SMPD2: variants seen among roughly 807,000 people sequenced by gnomAD.
SMPD2 encodes the protein sphingomyelin phosphodiesterase 2.
A neutral mutation model predicts 41.7 loss-of-function variants in SMPD2; 35 were observed. That is an observed-to-expected ratio of 0.84 (90% CI 0.64 to 1.11). SMPD2 has a LOEUF of 1.11. Ranked by LOEUF, SMPD2 falls within the 50% of genes most tolerant of loss-of-function variation. The pLI is 0.00. For missense variants in SMPD2, 520 were observed against 524.8 expected (o/e 0.99, Z 0.09); for synonymous variants, 201 against 208.2 (o/e 0.97, Z 0.30).
rs756635265 is a variant in SMPD2 at position 109,443,882 on chromosome 6, G to C, written c.1249G>C (p.Gly417Arg). The C allele has an allele frequency of 6.2e-7, 1 of 1,611,472 alleles. No homozygotes were observed. The highest frequency in any genetic ancestry group is 1.1e-5 in the South Asian group (1 of 91,016). Residue 417 changes from glycine to arginine, a missense_variant, in exon 10 of 10, where the codon GGG becomes CGG. Coordinates refer to ENST00000258052, the MANE Select transcript of SMPD2 (RefSeq NM_003080.3). ...QPALLLGQQE[G>R]DRTKEQ ...AGCCCTACTCCTGGGGCAGCAGGAGGGGGACAGAACTAAAGAACAATAAAG... is the reference window on the plus strand; with the variant it reads ...AGCCCTACTCCTGGGGCAGCAGGAGCGGGACAGAACTAAAGAACAATAAAG...
In SMPD2 at chr6:109,441,166, C is replaced by CT; in HGVS notation, c.46dup (p.Cys16LeufsTer38). ...TGCGACTGCGGATCTTCAACCTCAA[C>CT]TGCTGGTGAGTGCGTCTGCGGAGTG... On this transcript the variant is annotated frameshift_variant, in exon 1 of 10. Transcript: ENST00000258052. LOFTEE classifies it high-confidence loss of function. 6.2e-7 allele frequency: 1 copy of CT among 1,614,176 alleles called. No individual in the cohort carries two copies. Among genetic ancestry groups the CT allele is most frequent in the East Asian group, 2.2e-5 (1 of 44,880 alleles).
chr6:109,441,774 GGTCCT>G, intron 3 of SMPD2, 146 bp downstream of exon 3: 1 of 923,584 alleles, frequency 1.1e-6, no homozygotes, highest in Non-Finnish European at 1.8e-6. Flanking sequence ...GAACCAAGAA[GGTCCT>G]ATGACTTCAG....
In SMPD2 at chr6:109,442,262, A is replaced by G. The variant is rs148249164; in HGVS notation, c.371A>G (p.His124Arg). 26 of 1,614,020 alleles carry G rather than the reference A, an allele frequency of 1.6e-5. No homozygotes were observed. Among genetic ancestry groups the G allele is most frequent in the African/African-American group, 1.5e-4 (11 of 74,918 alleles). The change falls in exon 5 of 10, where the codon CAT becomes CGT. Residue 124 changes from histidine (H) to arginine (R), a missense_variant. Physicochemically the swap from His to Arg is conservative, Grantham distance 29. Coordinates refer to ENST00000258052, the MANE Select transcript of SMPD2 (RefSeq NM_003080.3). ...AAGGCTGTGGGGCTGCTGGTGCTCC[A>G]TCTAAGTGGCATGGTGCTCAACGCC... ...SGKAVGLLVL[H>R]LSGMVLNAYV...
intron 5 of SMPD2, 29 bp from the exon 6 acceptor site, chr6:109,442,514 T>G (rs369361781): frequency 5.0e-6 from 8 of 1,585,980 alleles, no homozygotes; most frequent in Non-Finnish European, 5.2e-6. Context: ...CTCAGTCTTA[T>G]CTGCTGTGAT....
intron 6 of SMPD2, 45 bp from the exon 7 acceptor site, chr6:109,442,707 G>A (rs755995598): frequency 6.2e-7 from 1 of 1,613,628 alleles, no homozygotes; most frequent in Non-Finnish European, 8.5e-7. Flanking sequence ...ATGGGGAAGA[G>A]CTGGTGATGG....
rs1272299625 is a variant in SMPD2, at chr6:109,440,957, C to A, written c.-165C>A. 2 of 639,350 alleles carry A rather than the reference C, an allele frequency of 3.1e-6. No homozygotes were observed. The highest frequency in any genetic ancestry group is 5.2e-6 in the Non-Finnish European group (2 of 381,014). 39.6% of individuals were successfully genotyped at this position (639,350 alleles called of 1,614,324 possible). A position where few individuals can be genotyped will look rare whatever the true frequency, so the allele number is the denominator to read the frequency against. On this transcript the variant is annotated 5_prime_UTR_variant, in exon 1 of 10. Transcript: ENST00000258052. ...CAGCCGGCCGGTTGCCGGGGGAACG[C>A]GGGAGTCGGGCCCGACCTGAGCCAC...
Position 109,440,849 on chromosome 6 carries a change from AGC to A in SMPD2, c.-267_-266del. On this transcript the variant is annotated 5_prime_UTR_variant, in exon 1 of 10. Coordinates refer to ENST00000258052, the MANE Select transcript of SMPD2 (RefSeq NM_003080.3). ...GCGCTCTCCGGACCCCCAGGGTCCT[AGC>A]GCGCGGCCCTTACCGAGCCTGGGCG... is the stretch of plus-strand genomic sequence containing the variant. The A allele has an allele frequency of 2.0e-6, 1 of 496,534 alleles. No individual in the cohort carries two copies. The highest frequency in any genetic ancestry group is 3.5e-6 in the Non-Finnish European group (1 of 286,230). 30.8% of individuals were successfully genotyped at this position (496,534 alleles called of 1,614,324 possible). A position where few individuals can be genotyped will look rare whatever the true frequency, so the allele number is the denominator to read the frequency against.
Position 109,443,864 on chromosome 6 carries a change from C to T in SMPD2, c.1231C>T (p.Leu411Phe), listed in dbSNP as rs1408377642. The part of the protein sequence containing the change: ...DLGPEPQPAL[L>F]LGQQEGDRTK... The stretch of plus-strand genomic sequence containing the variant: ...GGGCCCAGAGCCTCAGCCAGCCCTA[C>T]TCCTGGGGCAGCAGGAGGGGGACAG... The change falls in exon 10 of 10, where the codon CTC becomes TTC. Residue 411 changes from leucine to phenylalanine, a missense_variant. Physicochemically the swap from Leu to Phe is conservative, Grantham distance 22. Coordinates refer to ENST00000258052, the MANE Select transcript of SMPD2 (RefSeq NM_003080.3). 1.2e-6 allele frequency: 2 copies of T among 1,612,884 alleles called. No homozygotes were observed. Among genetic ancestry groups the T allele is most frequent in the East Asian group, 2.2e-5 (1 of 44,890 alleles).
At position 109,443,687 on chromosome 6, in the gene SMPD2, G is replaced by A. The variant is rs1180177266; in HGVS notation, c.1054G>A (p.Glu352Lys). ...CCTGGCGGCTGGAGGAGGGGCCGGGGAAGCTGCCATACTGCTCTGGACCCC... is the reference window on the plus strand; with the variant it reads ...CCTGGCGGCTGGAGGAGGGGCCGGGAAAGCTGCCATACTGCTCTGGACCCC... Reference protein sequence around the residue: ...CVLAAGGGAGEAAILLWTPSV... With the variant: ...CVLAAGGGAGKAAILLWTPSV... The change falls in exon 10 of 10, where the codon GAA becomes AAA. Residue 352 changes from glutamate to lysine, a missense_variant. Glu to Lys is a moderately conservative substitution (Grantham distance 56, BLOSUM62 1). Coordinates refer to ENST00000258052, the MANE Select transcript of SMPD2 (RefSeq NM_003080.3). The A allele has an allele frequency of 6.2e-7, 1 of 1,614,016 alleles. No individual in the cohort carries two copies. The highest frequency in any genetic ancestry group is 8.5e-7 in the Non-Finnish European group (1 of 1,179,896).
In SMPD2 at chr6:109,442,556, A is replaced by G. The variant is rs1250833569; in HGVS notation, c.422A>G (p.Tyr141Cys). 5 of 1,613,172 alleles carry G rather than the reference A, an allele frequency of 3.1e-6. No homozygotes were observed. The highest frequency in any genetic ancestry group is 1.7e-5 in the Admixed American group (1 of 59,982). ...TATCTTGCTCAGCTCCATGCCGAAT[A>G]CAATCGACAGAAGGACATCTACCTA... Reference protein sequence around the residue: ...NAYVTHLHAEYNRQKDIYLAH... With the variant: ...NAYVTHLHAECNRQKDIYLAH... Residue 141 changes from tyrosine (Y) to cysteine (C), a missense_variant, in exon 6 of 10, where the codon TAC becomes TGC. Coordinates refer to ENST00000258052, the MANE Select transcript of SMPD2 (RefSeq NM_003080.3).
Position 109,442,791 on chromosome 6 carries a change from A to T in SMPD2, c.531A>T (p.Gly177=). Residue 177 remains glycine, a synonymous_variant, in exon 7 of 10, where the codon GGA becomes GGT. Transcript: ENST00000258052. ...SKKADVVLLC[G]DLNMHPEDLG... is the part of the protein sequence containing the mutation. ...AGGCAGACGTGGTTCTGTTGTGTGG[A>T]GACCTCAACATGCACCCAGAAGACC... 6.2e-7 allele frequency: 1 copy of T among 1,614,164 alleles called. No individual in the cohort carries two copies. Among genetic ancestry groups the T allele is most frequent in the Non-Finnish European group, 8.5e-7 (1 of 1,180,024 alleles).
Position 109,443,654 on chromosome 6 carries a change from C to T in SMPD2, c.1021C>T (p.Leu341=). The T allele has an allele frequency of 1.2e-6, 2 of 1,613,690 alleles. No homozygotes were observed. The highest frequency in any genetic ancestry group is 1.7e-6 in the Non-Finnish European group (2 of 1,179,902). The part of the protein sequence containing the change: ...IGLGLLLLAL[L]CVLAAGGGAG... ...CCTGGGGCTGCTTCTCCTGGCACTG[C>T]TGTGTGTCCTGGCGGCTGGAGGAGG... The change falls in exon 10 of 10, where the codon CTG becomes TTG. Residue 341 remains leucine (L), a synonymous_variant. Coordinates refer to ENST00000258052, the MANE Select transcript of SMPD2 (RefSeq NM_003080.3).
chr6:109,442,729 C>T, intron 6 of SMPD2, 23 bp from the exon 7 acceptor site: 1 of 1,605,480 alleles, frequency 6.2e-7, no homozygotes, highest in Non-Finnish European at 8.5e-7. Flanking sequence ...AGAACTCCCG[C>T]CTCACCAACC....
At position 109,440,919 on chromosome 6, in the gene SMPD2, G is replaced by T. The variant is rs1460349604; in HGVS notation, c.-203G>T. 6.9e-6 allele frequency: 4 copies of T among 582,170 alleles called. No individual in the cohort carries two copies. The highest frequency in any genetic ancestry group is 2.2e-5 in the South Asian group (1 of 45,800). 36.1% of individuals were successfully genotyped at this position (582,170 alleles called of 1,614,324 possible). On this transcript the variant is annotated 5_prime_UTR_variant, in exon 1 of 10. Transcript: ENST00000258052. The stretch of plus-strand genomic sequence containing the variant: ...GATCGCCTTTCCGGGTTGGCGGCCC[G>T]CCTGATTGGGAACAGCCGGCCGGTT...
Position 109,441,352 on chromosome 6 carries a change from C to G in SMPD2, c.51-5C>G, listed in dbSNP as rs1161028451. The G allele has an allele frequency of 6.2e-7, 1 of 1,613,506 alleles. No homozygotes were observed. The highest frequency in any genetic ancestry group is 1.7e-4 in the Middle Eastern group (1 of 6,058). The stretch of plus-strand genomic sequence containing the variant: ...CCTCCCCTGCCCCGCTCTTCCCTTC[C>G]TTAGGGGCATTCCGTACTTGAGCAA... On this transcript the variant is annotated splice_region_variant and splice_polypyrimidine_tract_variant and intron_variant, in intron 1 of 9. Transcript: ENST00000258052.
At position 109,441,618 on chromosome 6, in the gene SMPD2, C is replaced by G. The variant is rs768368587; in HGVS notation, c.214C>G (p.His72Asp). ...KLSPTYPAAH[H>D]FRSGIIGSGL... is the part of the protein sequence containing the mutation. ...GTCACCTACCTACCCAGCTGCACAC[C>G]ACTTCCGGAGGTGAGAAGCCCACTG... is the stretch of plus-strand genomic sequence containing the variant. The change falls in exon 3 of 10, where the codon CAC (histidine) becomes GAC (aspartate). Residue 72 changes from histidine (H) to aspartate (D), a missense_variant. Transcript: ENST00000258052. The G allele has an allele frequency of 6.2e-7, 1 of 1,614,150 alleles. No individual in the cohort carries two copies. Among genetic ancestry groups the G allele is most frequent in the Non-Finnish European group, 8.5e-7 (1 of 1,179,968 alleles).
intron 3 of SMPD2, 47 bp from the exon 4 acceptor site, chr6:109,441,927 G>T: frequency 6.6e-7 from 1 of 1,523,532 alleles, no homozygotes. Flanking sequence ...AGAAGGCTGG[G>T]TGTCTCTCCC....
At position 109,441,138 on chromosome 6, in the gene SMPD2, C is replaced by T; in HGVS notation, c.17C>T (p.Ser6Phe). MKPNF[S>F]LRLRIFNLNC... The stretch of plus-strand genomic sequence containing the variant: ...TCCCCAACCATGAAGCCCAACTTCT[C>T]CCTGCGACTGCGGATCTTCAACCTC... Residue 6 changes from serine to phenylalanine, a missense_variant, in exon 1 of 10, where the codon TCC becomes TTC. Coordinates refer to ENST00000258052, the MANE Select transcript of SMPD2 (RefSeq NM_003080.3). 1 of 1,614,180 alleles carries T rather than the reference C, an allele frequency of 6.2e-7. No homozygotes were observed. Among genetic ancestry groups the T allele is most frequent in the South Asian group, 1.1e-5 (1 of 91,080 alleles).
Position 109,443,661 on chromosome 6 carries a change from T to A in SMPD2, c.1028T>A (p.Val343Asp), listed in dbSNP as rs1775057261. Residue 343 changes from valine to aspartate, a missense_variant, in exon 10 of 10, where the codon GTC becomes GAC. Val to Asp is a radical substitution (Grantham distance 152). Transcript: ENST00000258052. ...CTGCTTCTCCTGGCACTGCTGTGTGTCCTGGCGGCTGGAGGAGGGGCCGGG... is the reference window on the plus strand; with the variant it reads ...CTGCTTCTCCTGGCACTGCTGTGTGACCTGGCGGCTGGAGGAGGGGCCGGG... Reference protein sequence around the residue: ...LGLLLLALLCVLAAGGGAGEA... With the variant: ...LGLLLLALLCDLAAGGGAGEA... The A allele has an allele frequency of 6.2e-7, 1 of 1,613,114 alleles. No homozygotes were observed. Among genetic ancestry groups the A allele is most frequent in the African/African-American group, 1.3e-5 (1 of 74,208 alleles).
Sources: gnomAD v4.1 joint callset for allele counts on GRCh38, gnomAD v4.1.1 for gene constraint, MANE v1.5 for transcripts, NCBI Gene and HGNC (gene_info 2026-07-23, HGNC 2026-07-21) for gene names.